Variants in ANKS1B observed in about 807,000 individuals in gnomAD.
ANKS1B encodes ankyrin repeat and sterile alpha motif domain containing 1B, also known as ankyrin repeat and sterile alpha motif domain-containing protein 1B.
ANKS1B carries 36 observed loss-of-function variants against 148.3 expected under a neutral mutation model. The ratio of observed to expected loss-of-function variants is 0.24; its 90% CI spans 0.19 to 0.32. ANKS1B has a LOEUF of 0.32. Among genes scored for constraint, ANKS1B ranks in the 10% least tolerant of loss-of-function variants. The pLI, the probability that ANKS1B is intolerant of heterozygous loss-of-function variation, is 1.00. For synonymous variants in ANKS1B, 542 were observed against 560.8 expected (o/e 0.97, Z 0.47); for missense variants, 1,157 against 1,542.6 (o/e 0.75, Z 4.19).
intron 17 of ANKS1B, among the ~76,000 whole-genome samples, chr12:99,022,843 T>C (rs2099946610): frequency 1.3e-5 from 2 of 152,076 alleles, no homozygotes; most frequent in South Asian, 4.1e-4. Flanking sequence ...TAAGCCACCA[T>C]TCCTTAAGTA....
At chr12:98,919,845 C>A (rs973831829) in intron 17 of ANKS1B, among the ~76,000 whole-genome samples, 1 of 152,118 alleles carries the variant, frequency 6.6e-6, no homozygotes, top group East Asian at 1.9e-4. Context: ...GGCTGCAATG[C>A]AACAGCCAGT....
intron 10 of ANKS1B, among the ~76,000 whole-genome samples, chr12:99,472,988 T>C (rs2096265458): frequency 6.6e-6 from 1 of 152,128 alleles, no homozygotes; most frequent in Non-Finnish European, 1.5e-5. Flanking sequence ...GATTTACTTA[T>C]ATTTGTTTCA....
chr12:99,651,360 TAAAAATAAAAC>T (rs2098418064), intron 9 of ANKS1B, among the ~76,000 whole-genome samples: 1 of 152,188 alleles, frequency 6.6e-6, no homozygotes, highest in South Asian at 2.1e-4. Flanking sequence ...TGAAAAAATT[TAAAAATAAAAC>T]AATTTTTGTT....
At chr12:99,662,909 T>A (rs1039930823) in intron 8 of ANKS1B, among the ~76,000 whole-genome samples, 2 of 152,072 alleles carry the variant, frequency 1.3e-5, no homozygotes, top group African/African-American at 4.8e-5. Flanking sequence ...GCAGACTGTT[T>A]TCATTAGCTC....
chr12:99,812,511 CCACA>C (rs10539640), intron 2 of ANKS1B, among the ~76,000 whole-genome samples, 200 bp from the exon 3 acceptor site: 8,616 of 125,746 alleles, frequency 0.069, 355 homozygotes, highest in Middle Eastern at 0.1. Context: ...TCACCCCATG[CCACA>C]CACACACACA....
chr12:99,741,920 T>TA (rs201827252), intron 8 of ANKS1B, among the ~76,000 whole-genome samples: 5 of 150,826 alleles, frequency 3.3e-5, no homozygotes, highest in South Asian at 2.1e-4. Context: ...AAGCTAAATT[T>TA]AAAAAAAAGA....
intron 14 of ANKS1B, among the ~76,000 whole-genome samples, chr12:99,216,092 G>A (rs928300670): frequency 6.6e-5 from 10 of 152,264 alleles, no homozygotes; most frequent in African/African-American, 9.6e-5. Flanking sequence ...CACGAGATCT[G>A]ATGGTTTTAT....
At chr12:98,855,028 G>T (rs1442163253) in intron 17 of ANKS1B, among the ~76,000 whole-genome samples, 3 of 151,920 alleles carry the variant, frequency 2.0e-5, no homozygotes, top group African/African-American at 7.2e-5. Flanking sequence ...GCGCGGTGGC[G>T]GGCGCCTGTA....
intron 9 of ANKS1B, among the ~76,000 whole-genome samples, chr12:99,632,737 A>ATATATATATG (rs1168671567): frequency 2.4e-5 from 1 of 41,184 alleles, no homozygotes; most frequent in Non-Finnish European, 4.6e-5. Flanking sequence ...CTATATATAT[A>ATATATATATG]TATATATATA....
At chr12:99,961,122 A>G (rs554316295) in intron 1 of ANKS1B, among the ~76,000 whole-genome samples, 1 of 152,262 alleles carries the variant, frequency 6.6e-6, no homozygotes, top group African/African-American at 2.4e-5. Context: ...TCAGCTACTC[A>G]GGAGGCTGAG....
chr12:99,740,146 C>CG (rs1727085398), intron 8 of ANKS1B, among the ~76,000 whole-genome samples: 1 of 151,582 alleles, frequency 6.6e-6, no homozygotes, highest in Non-Finnish European at 1.5e-5. Context: ...CCCATCTCTA[C>CG]GAAAAAAGAA....
At chr12:99,066,135 G>T (rs906566625) in intron 16 of ANKS1B, among the ~76,000 whole-genome samples, 7 of 152,034 alleles carry the variant, frequency 4.6e-5, no homozygotes, top group African/African-American at 1.7e-4. Flanking sequence ...GAACAACATG[G>T]TGAAACTCTA....
intron 9 of ANKS1B, among the ~76,000 whole-genome samples, chr12:99,570,625 G>A (rs551586136): frequency 6.8e-6 from 1 of 146,652 alleles, no homozygotes; most frequent in Non-Finnish European, 1.5e-5. Context: ...CAGCCTGAGC[G>A]ACGGAGCGAG....
intron 17 of ANKS1B, among the ~76,000 whole-genome samples, chr12:99,011,132 T>C (rs2099939159): frequency 6.6e-6 from 1 of 152,096 alleles, no homozygotes; most frequent in African/African-American, 2.4e-5. Context: ...CAGCCTATTA[T>C]CCCTGCAGTC....
chr12:99,221,035 G>A (rs922815054), intron 14 of ANKS1B, among the ~76,000 whole-genome samples: 1 of 151,828 alleles, frequency 6.6e-6, no homozygotes, highest in Non-Finnish European at 1.5e-5. Context: ...AAACTACAAA[G>A]TAATTTTAAA....
At chr12:98,759,726 G>A (rs1189160059) in intron 25 of ANKS1B, among the ~76,000 whole-genome samples, 1 of 152,122 alleles carries the variant, frequency 6.6e-6, no homozygotes, top group Non-Finnish European at 1.5e-5. Context: ...ATACTAGGTA[G>A]CCATTTAACA....
chr12:99,364,208 G>A (rs1398228948), intron 12 of ANKS1B, among the ~76,000 whole-genome samples: 1 of 152,082 alleles, frequency 6.6e-6, no homozygotes, highest in East Asian at 1.9e-4. Flanking sequence ...CAAATTCATG[G>A]ACTCATGCAA....
chr12:99,545,246 A>G (rs915413789), intron 9 of ANKS1B, among the ~76,000 whole-genome samples: 7 of 152,276 alleles, frequency 4.6e-5, no homozygotes, highest in Non-Finnish European at 7.4e-5. Context: ...TGACATTTAT[A>G]TAACACACTT....
chr12:98,969,609 T>A (rs1224919178), intron 17 of ANKS1B, among the ~76,000 whole-genome samples: 1 of 152,180 alleles, frequency 6.6e-6, no homozygotes, highest in African/African-American at 2.4e-5. Flanking sequence ...GTTCTTTTTA[T>A]CAGAAAACAA....
Sources: gnomAD v4.1 joint callset for allele counts (sites outside exome capture counted in the v4.1 genomes callset) on GRCh38, gnomAD v4.1.1 for gene constraint, MANE v1.5 for transcripts, NCBI Gene and HGNC (gene_info 2026-07-23, HGNC 2026-07-21) for gene names.